RP1: variants seen among roughly 807,000 people sequenced by gnomAD.
RP1 encodes the protein RP1 axonemal microtubule associated, also known as oxygen-regulated protein 1.
In RP1, 16 loss-of-function variants were observed where a neutral mutation model predicts 14.8. That is an observed-to-expected ratio of 1.08 (90% CI 0.73 to 1.65). The LOEUF is 1.65. RP1 is among the 40% of genes most tolerant of loss of function. The probability of loss-of-function intolerance (pLI) is 0.00; values close to 1 mark genes in which losing one functional copy is unlikely to be tolerated. For missense variants in RP1, 2,631 were observed against 2,535.0 expected (o/e 1.04, Z -0.81); for synonymous variants, 876 against 883.6 (o/e 0.99, Z 0.15).
At chr8:54,663,813 T>G (rs1421995714) in exon 7 of RP1, 2 of 1,532,366 alleles carry the variant, frequency 1.3e-6, no homozygotes, top group African/African-American at 2.7e-5. Context: ...AGACAACTAT[T>G]TAGATCGAAG....
chr8:54,563,949 A>C (rs990727982), intron 1 of RP1, among the ~76,000 whole-genome samples: 4 of 152,206 alleles, frequency 2.6e-5, no homozygotes, highest in Non-Finnish European at 5.9e-5. Flanking sequence ...AATCCGTGTC[A>C]GCAGAAATGT....
At chr8:54,595,427 C>A (rs1396850984) in intron 1 of RP1, among the ~76,000 whole-genome samples, 2 of 152,126 alleles carry the variant, frequency 1.3e-5, no homozygotes, top group African/African-American at 2.4e-5. Context: ...CCACGCCTGG[C>A]CCCCTCCAAA....
intron 19 of RP1, among the ~76,000 whole-genome samples, chr8:54,746,326 T>G (rs1278033223): frequency 6.6e-6 from 1 of 152,210 alleles, no homozygotes; most frequent in Non-Finnish European, 1.5e-5. Flanking sequence ...GGGCTTTTGA[T>G]CTAGTGGTGG....
At chr8:54,588,202 A>G (rs867825580) in intron 1 of RP1, among the ~76,000 whole-genome samples, 100 of 152,368 alleles carry the variant, frequency 6.6e-4, no homozygotes, top group African/African-American at 2.3e-3. Context: ...TTTGTGTTAT[A>G]AAGACTGAAG....
chr8:54,597,142 T>C (rs1259600624), intron 1 of RP1, among the ~76,000 whole-genome samples: 3 of 152,186 alleles, frequency 2.0e-5, no homozygotes, highest in Non-Finnish European at 4.4e-5. Context: ...TCTCCACACA[T>C]ACACAGGCTT....
At chr8:54,735,223 A>T (rs898280206) in intron 18 of RP1, among the ~76,000 whole-genome samples, 10 of 152,118 alleles carry the variant, frequency 6.6e-5, no homozygotes, top group African/African-American at 1.9e-4. Context: ...TGGCATCTTC[A>T]CAGGCCATGT....
In RP1 at chr8:54,787,167, A is replaced by G. The variant is rs902333792; in HGVS notation, c.3615+3457A>G. Among the ~76,000 whole-genome samples, 7 of 152,168 alleles carry G rather than the reference A, an allele frequency of 4.6e-5. 1 individual carries two copies. The highest frequency in any genetic ancestry group is 9.7e-5 in the African/African-American group (4 of 41,450). On this transcript the variant is annotated intron_variant, in intron 24 of 28. Coordinates refer to the RP1 transcript ENST00000637698. ...TCTATAGACTATAGAGTTCAGCTCT[A>G]TGGTTGCACCTAGAATGTCACTAAG... is the stretch of plus-strand genomic sequence containing the variant.
chr8:54,566,856 CTACTT>C (rs913183180), intron 1 of RP1, among the ~76,000 whole-genome samples: 9 of 152,218 alleles, frequency 5.9e-5, no homozygotes, highest in African/African-American at 2.2e-4. Flanking sequence ...AGAGACAAAA[CTACTT>C]TAAAGTGTGC....
chr8:54,790,590 A>C (rs1399233022), intron 24 of RP1, among the ~76,000 whole-genome samples: 1 of 152,180 alleles, frequency 6.6e-6, no homozygotes, highest in Admixed American at 6.6e-5. Flanking sequence ...TAGACAACTA[A>C]ATGAAGTTAG....
chr8:54,653,862 C>G (rs1484901750), intron 5 of RP1, among the ~76,000 whole-genome samples: 1 of 152,048 alleles, frequency 6.6e-6, no homozygotes, highest in Non-Finnish European at 1.5e-5. Flanking sequence ...TTTCTTCCCT[C>G]TCAGTAAGGT....
At chr8:54,810,833 C>A (rs1341189500) in intron 24 of RP1, among the ~76,000 whole-genome samples, 10 of 152,294 alleles carry the variant, frequency 6.6e-5, no homozygotes, top group African/African-American at 1.9e-4. Context: ...AAGGTGGCAC[C>A]ATTCCATTCT....
At chr8:54,611,233 T>C (rs1328171539), upstream of RP1, among the ~76,000 whole-genome samples, 1 of 152,232 alleles carries the variant, frequency 6.6e-6, no homozygotes, top group African/African-American at 2.4e-5. Flanking sequence ...TAGATTCATG[T>C]ATTTCATCCA....
Position 54,585,777 on chromosome 8 carries a change from T to A in RP1, c.-13+26457T>A, listed in dbSNP as rs1483408898. Among the ~76,000 whole-genome samples the A allele has an allele frequency of 5.9e-5, 9 of 152,298 alleles. No homozygotes were observed. The East Asian group carries it at 1.3e-3, about 23-fold the overall frequency. ...TTCCATCACAGATACGCTTTCTTCCTGTTGATCGAATCGGCTACTGAGGCT... is the reference window on the plus strand; with the variant it reads ...TTCCATCACAGATACGCTTTCTTCCAGTTGATCGAATCGGCTACTGAGGCT... On this transcript the variant is annotated intron_variant, in intron 1 of 22. Coordinates refer to the RP1 transcript ENST00000636932.
intron 9 of RP1, chr8:54,679,341 T>A (rs1165773261): frequency 7.9e-7 from 1 of 1,269,262 alleles, no homozygotes; most frequent in South Asian, 1.3e-5. Context: ...ATCTTGTATT[T>A]CTGACTTGGG....
rs779243716 is a variant in RP1 at position 54,621,234 on chromosome 8, C to T, written c.268C>T (p.His90Tyr). 1.2e-6 allele frequency: 2 copies of T among 1,614,164 alleles called. No homozygotes were observed. Among genetic ancestry groups the T allele is most frequent in the Non-Finnish European group, 1.7e-6 (2 of 1,180,040 alleles). ...VRNISTPRGR[H>Y]SITRLEELED... Reference sequence around the variant, plus strand: ...GAACATCAGCACCCCTCGGGGCAGGCACAGCATCACGCGCCTGGAGGAGCT... The same window carrying T: ...GAACATCAGCACCCCTCGGGGCAGGTACAGCATCACGCGCCTGGAGGAGCT... Residue 90 changes from histidine to tyrosine, a missense_variant, in exon 2 of 4, where the codon CAC becomes TAC. His to Tyr is a moderately conservative substitution (Grantham distance 83). Coordinates refer to ENST00000220676, the MANE Select transcript of RP1 (RefSeq NM_006269.2).
chr8:54,628,897 T>C lies in RP1; in HGVS notation c.5015T>C (p.Leu1672Pro). 1.2e-6 allele frequency: 2 copies of C among 1,614,108 alleles called. No individual in the cohort carries two copies. Among genetic ancestry groups the C allele is most frequent in the Non-Finnish European group, 1.7e-6 (2 of 1,179,964 alleles). ...TTTCAGTGTTCCAGGAAAGCAAGTC[T>C]TTATGATTCTGAAGGGCAGTCATTT... ...VEFQCSRKAS[L>P]YDSEGQSFGS... The change falls in exon 4 of 4, where the codon CTT (leucine) becomes CCT (proline). Residue 1672 changes from leucine to proline, a missense_variant. By Grantham distance (98) the Leu-to-Pro change is moderately conservative. Transcript: ENST00000220676.
At chr8:54,579,362 A>G (rs1354078722) in intron 1 of RP1, among the ~76,000 whole-genome samples, 1 of 152,356 alleles carries the variant, frequency 6.6e-6, no homozygotes, top group East Asian at 1.9e-4. Flanking sequence ...CAAGAAGCTG[A>G]AATGCAGGAT....
At chr8:54,842,359 C>A (rs1039001285) in intron 25 of RP1, among the ~76,000 whole-genome samples, 18 of 152,142 alleles carry the variant, frequency 1.2e-4, no homozygotes, top group Non-Finnish European at 2.2e-4. Context: ...ACCATTTAAT[C>A]CACCATCGAA....
intron 4 of RP1, among the ~76,000 whole-genome samples, chr8:54,652,101 G>C (rs909964125): frequency 6.6e-6 from 1 of 151,222 alleles, no homozygotes; most frequent in African/African-American, 2.4e-5. Context: ...TCTGCCTCCC[G>C]AGTTCAAGCA....
Sources: gnomAD v4.1 joint callset for allele counts (sites outside exome capture counted in the v4.1 genomes callset) on GRCh38, gnomAD v4.1.1 for gene constraint, MANE v1.5 for transcripts, NCBI Gene and HGNC (gene_info 2026-07-23, HGNC 2026-07-21) for gene names.